UGGT2: variants seen among roughly 807,000 people sequenced by gnomAD.
The protein encoded by UGGT2 is UDP-glucose:glycoprotein glucosyltransferase 2.
UGGT2 carries 180 observed loss-of-function variants against 192.1 expected under a neutral mutation model. That is an observed-to-expected ratio of 0.94 (90% CI 0.83 to 1.06). The LOEUF (loss-of-function observed/expected upper bound fraction) is 1.06. UGGT2 is among the 50% of genes least tolerant of loss of function. The pLI is 0.00. For missense variants in UGGT2, 1,849 were observed against 1,795.7 expected (o/e 1.03, Z -0.54); for synonymous variants, 580 against 591.0 (o/e 0.98, Z 0.27).
chr13:95,902,787 T>A, intron 21 of UGGT2, 67 bp downstream of exon 21: 1 of 1,449,506 alleles, frequency 6.9e-7, no homozygotes, highest in Non-Finnish European at 9.4e-7. Context: ...TAACAATATC[T>A]CCAAATACAC....
rs762237148 is a variant in UGGT2, at chr13:95,854,395, G to A, written c.4089C>T (p.Ser1363=). ...APYGYTPFCD[S]RREMDGYRFW... ...AACGATATCCATCCATTTCCCTGCGGCTATCACAAAATGGAGTATACCCAT... is the reference window on the plus strand; with the variant it reads ...AACGATATCCATCCATTTCCCTGCGACTATCACAAAATGGAGTATACCCAT... The change falls in exon 35 of 39, where the codon AGC becomes AGT. Residue 1363 remains serine (S), a synonymous_variant. Transcript: ENST00000376747. 1 of 1,613,852 alleles carries A rather than the reference G, an allele frequency of 6.2e-7. No homozygotes were observed. Among genetic ancestry groups the A allele is most frequent in the Non-Finnish European group, 8.5e-7 (1 of 1,179,888 alleles).
chr13:95,860,556 GAAAT>G (rs1276641202), intron 32 of UGGT2, among the ~76,000 whole-genome samples: 1 of 149,476 alleles, frequency 6.7e-6, no homozygotes, highest in Admixed American at 6.7e-5. Flanking sequence ...TTAAACAACT[GAAAT>G]AAATAAATAA....
intron 4 of UGGT2, among the ~76,000 whole-genome samples, chr13:96,015,507 G>A (rs1183747999): frequency 6.6e-6 from 1 of 152,054 alleles, no homozygotes; most frequent in African/African-American, 2.4e-5. Context: ...TTCAGGAACT[G>A]CTTGGATATA....
intron 17 of UGGT2, among the ~76,000 whole-genome samples, chr13:95,934,552 C>T (rs1417070659): frequency 4.6e-5 from 7 of 152,322 alleles, no homozygotes; most frequent in East Asian, 1.9e-4. Context: ...ATGGCCTACA[C>T]GCCTCACTTA....
At position 95,894,586 on chromosome 13, in the gene UGGT2, A is replaced by G. The variant is rs375495268; in HGVS notation, c.2831T>C (p.Val944Ala). The change falls in exon 24 of 39, where the codon GTC becomes GCC. Residue 944 changes from valine (V) to alanine (A), a missense_variant. By Grantham distance (64) the Val-to-Ala change is moderately conservative (BLOSUM62 0). Transcript: ENST00000376747. The stretch of plus-strand genomic sequence containing the variant: ...CCTGTGATTCTCCCTAAGAAATGTG[A>G]CATCATATCGAGATGCACGCTTAGG... ...SVPKRASRYDVTFLRENHSVI... is the reference protein window; with the variant it reads ...SVPKRASRYDATFLRENHSVI... 1.2e-6 allele frequency: 2 copies of G among 1,610,442 alleles called. No homozygotes were observed. Among genetic ancestry groups the G allele is most frequent in the Non-Finnish European group, 1.7e-6 (2 of 1,177,996 alleles).
rs189081142 is a variant in UGGT2 at position 95,967,681 on chromosome 13, C to T, written c.1335+2431G>A. ...TAGAGACGGGGTTTCACCATGCTGG[C>T]CAGGATGGTCTCAATCTCCTGACCT... On this transcript the variant is annotated intron_variant, in intron 12 of 38. Coordinates refer to ENST00000376747, the MANE Select transcript of UGGT2 (RefSeq NM_020121.4). Among the ~76,000 whole-genome samples the T allele has an allele frequency of 4.5e-4, 69 of 152,112 alleles. 1 individual carries two copies. Among genetic ancestry groups the T allele is most frequent in the African/African-American group, 1.5e-3 (64 of 41,512 alleles).
At chr13:95,985,195 T>G (rs2051251056) in intron 9 of UGGT2, 1 of 910,406 alleles carries the variant, frequency 1.1e-6, no homozygotes, top group Admixed American at 3.6e-5. Flanking sequence ...TAACGGCCAT[T>G]AATTAAAATA....
At chr13:95,963,464 T>C (rs1012884079) in intron 12 of UGGT2, among the ~76,000 whole-genome samples, 5 of 152,178 alleles carry the variant, frequency 3.3e-5, no homozygotes, top group African/African-American at 1.2e-4. Context: ...GTGGAAAAGC[T>C]GAGTTCTAAG....
intron 5 of UGGT2, among the ~76,000 whole-genome samples, chr13:96,004,298 G>A (rs138129981): frequency 3.0e-4 from 46 of 152,144 alleles, no homozygotes; most frequent in Non-Finnish European, 5.6e-4. Flanking sequence ...AAAATGTAAT[G>A]ATCAAATCAG....
At chr13:95,931,783 C>T (rs1042502568) in intron 17 of UGGT2, among the ~76,000 whole-genome samples, 40 of 152,140 alleles carry the variant, frequency 2.6e-4, no homozygotes, top group African/African-American at 9.2e-4. Context: ...GGCCCATGAA[C>T]GTGGCGCGGA....
In UGGT2 at chr13:95,884,606, T is replaced by C. The variant is rs2047591843; in HGVS notation, c.3113A>G (p.Lys1038Arg). ...GGGTGATTCAGGAATATCCAAAAATTTTGCCACTGGTCCAAGAGAAGAAAC... is the reference window on the plus strand; with the variant it reads ...GGGTGATTCAGGAATATCCAAAAATCTTGCCACTGGTCCAAGAGAAGAAAC... ...NDVSSLGPVA[K>R]FLDIPESPLL... is the part of the protein sequence containing the mutation. Residue 1038 changes from lysine to arginine, a missense_variant, in exon 27 of 39, where the codon AAA (lysine) becomes AGA (arginine). By Grantham distance (26) the Lys-to-Arg change is conservative (BLOSUM62 2). Transcript: ENST00000376747. The C allele has an allele frequency of 6.2e-7, 1 of 1,613,778 alleles. No homozygotes were observed. Among genetic ancestry groups the C allele is most frequent in the Non-Finnish European group, 8.5e-7 (1 of 1,179,900 alleles).
intron 1 of UGGT2, among the ~76,000 whole-genome samples, chr13:96,047,831 T>G (rs1405505990): frequency 6.6e-6 from 1 of 152,072 alleles, no homozygotes; most frequent in Non-Finnish European, 1.5e-5. Context: ...ACTAGATTCA[T>G]AAAGCAAGTC....
At chr13:96,044,597 T>G (rs1359426278) in intron 1 of UGGT2, among the ~76,000 whole-genome samples, 2 of 151,964 alleles carry the variant, frequency 1.3e-5, no homozygotes, top group Non-Finnish European at 2.9e-5. Context: ...AAATAGACCA[T>G]TAGCAAGATT....
At chr13:96,027,840 TTC>T (rs542783453) in intron 2 of UGGT2, among the ~76,000 whole-genome samples, 84 of 152,342 alleles carry the variant, frequency 5.5e-4, no homozygotes, top group African/African-American at 1.8e-3. Context: ...CACTAATAAT[TTC>T]TCTGTTTTTA....
At chr13:95,850,087 T>C (rs1888885228) in intron 36 of UGGT2, among the ~76,000 whole-genome samples, 2 of 152,244 alleles carry the variant, frequency 1.3e-5, no homozygotes, top group African/African-American at 2.4e-5. Flanking sequence ...TTTCCCCTAG[T>C]TTCTAGGTAG....
intron 29 of UGGT2, among the ~76,000 whole-genome samples, chr13:95,872,777 T>A (rs1891329694): frequency 6.6e-6 from 1 of 152,206 alleles, no homozygotes. Context: ...ATGAACTGTG[T>A]ATGATAGAAA....
At chr13:95,856,387 G>C (rs1555341387) in intron 33 of UGGT2, 47 bp from the exon 34 acceptor site, 1 of 1,563,214 alleles carries the variant, frequency 6.4e-7, no homozygotes, top group Non-Finnish European at 8.6e-7. Context: ...AGAGAAAGTA[G>C]TTTTGTTTTA....
chr13:95,845,309 G>A (rs974035016), intron 36 of UGGT2, among the ~76,000 whole-genome samples: 1 of 147,424 alleles, frequency 6.8e-6, no homozygotes, highest in Non-Finnish European at 1.5e-5. Flanking sequence ...GTTTTCCTAG[G>A]CAGAGGGCCC....
At chr13:95,802,083 T>C (rs1884087692) in intron 38 of UGGT2, among the ~76,000 whole-genome samples, 1 of 152,222 alleles carries the variant, frequency 6.6e-6, no homozygotes, top group Non-Finnish European at 1.5e-5. Context: ...TACTTATCTT[T>C]GTTATCTTTA....
Sources: gnomAD v4.1 joint callset for allele counts (sites outside exome capture counted in the v4.1 genomes callset) on GRCh38, gnomAD v4.1.1 for gene constraint, MANE v1.5 for transcripts, NCBI Gene and HGNC (gene_info 2026-07-23, HGNC 2026-07-21) for gene names.